MYO16: variants seen among roughly 807,000 people sequenced by gnomAD.
The protein encoded by MYO16 is unconventional myosin-XVI.
Under a neutral mutation model 205.3 loss-of-function variants are expected in MYO16, and 94 were observed. The observed-to-expected ratio is 0.46, with a 90% CI of 0.39 to 0.54. MYO16 has a LOEUF of 0.54. Among genes scored for constraint, MYO16 ranks in the 20% least tolerant of loss-of-function variants. The pLI, the probability that MYO16 is intolerant of heterozygous loss-of-function variation, is 0.00. For missense variants in MYO16, 2,315 were observed against 2,387.5 expected, an observed-to-expected ratio of 0.97 and a Z score of 0.63; for synonymous variants, 988 against 954.0, an observed-to-expected ratio of 1.04 and a Z score of -0.66.
chr13:108,913,040 G>T (rs1881335634), intron 16 of MYO16, among the ~76,000 whole-genome samples: 1 of 152,080 alleles, frequency 6.6e-6, no homozygotes, highest in East Asian at 1.9e-4. Context: ...ATTTCTCTTT[G>T]CAAAAAAGAG....
At chr13:108,953,387 C>G (rs1008630870) in intron 16 of MYO16, among the ~76,000 whole-genome samples, 5 of 152,176 alleles carry the variant, frequency 3.3e-5, no homozygotes, top group Non-Finnish European at 5.9e-5. Context: ...TGTAGTCATT[C>G]TGGGAAATAC....
chr13:108,681,503 G>A (rs1041603004), intron 2 of MYO16, among the ~76,000 whole-genome samples: 2 of 152,206 alleles, frequency 1.3e-5, no homozygotes, highest in Non-Finnish European at 2.9e-5. Flanking sequence ...GTGGGAGGTT[G>A]TACTGAGCCA....
chr13:108,596,813 A>G (rs1878580420), intron 1 of MYO16, among the ~76,000 whole-genome samples: 1 of 152,206 alleles, frequency 6.6e-6, no homozygotes, highest in African/African-American at 2.4e-5. Flanking sequence ...TGAATTTTTC[A>G]GCCTTGACAC....
chr13:108,835,860 C>T (rs1277507591), intron 9 of MYO16, among the ~76,000 whole-genome samples: 2 of 152,102 alleles, frequency 1.3e-5, no homozygotes, highest in African/African-American at 2.4e-5. Flanking sequence ...TTCTAAGCAG[C>T]AAAGCGTTCA....
chr13:108,954,970 C>T (rs1283507769), intron 16 of MYO16, among the ~76,000 whole-genome samples: 1 of 152,196 alleles, frequency 6.6e-6, no homozygotes, highest in African/African-American at 2.4e-5. Flanking sequence ...GGCACGGCAT[C>T]CTGCGGCATC....
At chr13:109,101,150 C>T (rs1476556914) in intron 28 of MYO16, 3 of 368,164 alleles carry the variant, frequency 8.1e-6, no homozygotes, top group East Asian at 4.6e-5. Flanking sequence ...TCTGTTTGCC[C>T]GTGTGTCAGA....
At chr13:108,637,613 G>A (rs951404622) in intron 1 of MYO16, among the ~76,000 whole-genome samples, 5 of 152,118 alleles carry the variant, frequency 3.3e-5, no homozygotes, top group Non-Finnish European at 7.3e-5. Flanking sequence ...AGTGGCTCAC[G>A]CTTGTAATCC....
At chr13:108,639,820 A>G (rs765691743) in intron 1 of MYO16, among the ~76,000 whole-genome samples, 1 of 152,216 alleles carries the variant, frequency 6.6e-6, no homozygotes, top group Non-Finnish European at 1.5e-5. Flanking sequence ...AAACTGGATG[A>G]ATTTGAAAAA....
intron 6 of MYO16, among the ~76,000 whole-genome samples, chr13:108,802,138 C>G (rs928974707): frequency 6.6e-6 from 1 of 152,152 alleles, no homozygotes; most frequent in African/African-American, 2.4e-5. Context: ...ATGTATAATA[C>G]ATTTTTTGTT....
At chr13:108,753,706 A>C (rs1030988766) in intron 4 of MYO16, among the ~76,000 whole-genome samples, 1 of 152,186 alleles carries the variant, frequency 6.6e-6, no homozygotes, top group Non-Finnish European at 1.5e-5. Context: ...AGGTGCTCTT[A>C]AGGTGCATTT....
Position 108,667,321 on chromosome 13 carries a change from T to TTTTG in MYO16, c.292+1175_292+1176insGTTT, listed in dbSNP as rs572512180. 1.9e-3 allele frequency among the ~76,000 whole-genome samples: 230 copies of TTTTG among 123,344 alleles called. 1 individual carries two copies. Among genetic ancestry groups the TTTTG allele is most frequent in the African/African-American group, 7.7e-3 (222 of 28,974 alleles). 80.9% of individuals were successfully genotyped at this position (123,344 alleles called of 152,430 possible). On this transcript the variant is annotated intron_variant, in intron 2 of 34. Coordinates refer to ENST00000457511, the MANE Select transcript of MYO16 (RefSeq NM_001198950.3). ...TAATATTCTGAGAATTTCTGTTTTG[T>TTTTG]TTTTTTTTTTTTTTTGTCTTAAACT...
intron 10 of MYO16, among the ~76,000 whole-genome samples, chr13:108,854,818 C>T (rs1878081649): frequency 6.6e-6 from 1 of 152,084 alleles, no homozygotes; most frequent in South Asian, 2.1e-4. Flanking sequence ...TGAAATGTTG[C>T]AGTCTTTAAA....
intron 6 of MYO16, among the ~76,000 whole-genome samples, chr13:108,794,256 T>G (rs559550686): frequency 4.6e-5 from 7 of 152,126 alleles, no homozygotes; most frequent in Non-Finnish European, 7.3e-5. Flanking sequence ...AAATAATCTG[T>G]ACATCAAGCC....
At chr13:108,978,800 A>T (rs1884357947) in intron 20 of MYO16, among the ~76,000 whole-genome samples, 1 of 152,012 alleles carries the variant, frequency 6.6e-6, no homozygotes, top group Non-Finnish European at 1.5e-5. Flanking sequence ...TGTCTGGTGA[A>T]ATCGCCCTAA....
At chr13:108,866,065 AT>A (rs921852735) in intron 11 of MYO16, 111 bp from the exon 12 acceptor site, 3 of 669,246 alleles carry the variant, frequency 4.5e-6, no homozygotes, top group East Asian at 6.9e-5. Flanking sequence ...ACTAAAGTAG[AT>A]TTTTTCTTAT....
chr13:108,623,943 TAA>T (rs549062435), intron 1 of MYO16, among the ~76,000 whole-genome samples: 3 of 151,992 alleles, frequency 2.0e-5, no homozygotes, highest in Admixed American at 6.6e-5. Context: ...ATTTAAGCAA[TAA>T]AAAAATCAAG....
the MYO16 span, among the ~76,000 whole-genome samples, chr13:108,542,131 T>C: frequency 2.0e-5 from 3 of 152,122 alleles, no homozygotes; most frequent in Non-Finnish European, 2.9e-5. Flanking sequence ...TGGAATACTA[T>C]ATAGCCATAA....
intron 31 of MYO16, among the ~76,000 whole-genome samples, chr13:109,135,519 T>C (rs1165744488): frequency 6.6e-6 from 1 of 152,202 alleles, no homozygotes; most frequent in Non-Finnish European, 1.5e-5. Flanking sequence ...GGTGAGGTCT[T>C]GCTATGTTGT....
chr13:109,165,618 A>G (rs1324624278), intron 33 of MYO16, among the ~76,000 whole-genome samples: 1 of 152,208 alleles, frequency 6.6e-6, no homozygotes, highest in Admixed American at 6.5e-5. Context: ...CAGGGCTGGG[A>G]AAAGCATGTT....
Sources: gnomAD v4.1 joint callset for allele counts (sites outside exome capture counted in the v4.1 genomes callset) on GRCh38, gnomAD v4.1.1 for gene constraint, MANE v1.5 for transcripts, NCBI Gene and HGNC (gene_info 2026-07-23, HGNC 2026-07-21) for gene names.